Variants in BMPER observed in about 807,000 individuals in gnomAD.
BMPER encodes BMP-binding endothelial regulator protein.
A neutral mutation model predicts 87.3 loss-of-function variants in BMPER; 45 were observed. The observed-to-expected ratio is 0.52, with a 90% confidence interval of 0.41 to 0.66. The LOEUF (loss-of-function observed/expected upper bound fraction) is 0.66. BMPER is among the 30% of genes least tolerant of loss of function. The probability of loss-of-function intolerance (pLI) is 0.00; values close to 1 mark genes in which losing one functional copy is unlikely to be tolerated. For missense variants in BMPER, 784 were observed against 867.5 expected (o/e 0.90, Z 1.21); for synonymous variants, 326 against 316.2 (o/e 1.03, Z -0.33).
intron 13 of BMPER, among the ~76,000 whole-genome samples, chr7:34,141,138 G>A (rs142678556): frequency 4.1e-4 from 62 of 152,336 alleles, no homozygotes; most frequent in African/African-American, 1.3e-3. Flanking sequence ...AAATGACATT[G>A]AGGGAGATTC....
At position 34,078,994 on chromosome 7, in the gene BMPER, A is replaced by G; in HGVS notation, c.1216A>G (p.Lys406Glu). Residue 406 changes from lysine (K) to glutamate (E), a missense_variant, in exon 12 of 15, where the codon AAG becomes GAG. Physicochemically the swap from Lys to Glu is moderately conservative, Grantham distance 56 (BLOSUM62 1). Coordinates refer to ENST00000649409, the MANE Select transcript of BMPER (RefSeq NM_001365308.1). ...TGCCTCGCCCTTCCAGGTGCTGGTGAAGAACGACGCCCGCCGGACACGCTC... is the reference window on the plus strand; with the variant it reads ...TGCCTCGCCCTTCCAGGTGCTGGTGGAGAACGACGCCCGCCGGACACGCTC... The part of the protein sequence containing the change: ...SPASPFQVLV[K>E]NDARRTRSFS... The G allele has an allele frequency of 6.2e-7, 1 of 1,614,224 alleles. No individual in the cohort carries two copies. The highest frequency in any genetic ancestry group is 8.5e-7 in the Non-Finnish European group (1 of 1,180,044).
chr7:34,073,408 G>A (rs552864218), intron 11 of BMPER, among the ~76,000 whole-genome samples: 2 of 152,226 alleles, frequency 1.3e-5, no homozygotes, highest in East Asian at 1.9e-4. Context: ...TAATACAATG[G>A]CAAGTATTTT....
At chr7:33,969,144 G>C (rs777949174) in intron 4 of BMPER, among the ~76,000 whole-genome samples, 3 of 152,060 alleles carry the variant, frequency 2.0e-5, no homozygotes, top group Non-Finnish European at 4.4e-5. Flanking sequence ...GAGATGATGT[G>C]GTAGCAGACA....
intron 13 of BMPER, among the ~76,000 whole-genome samples, chr7:34,129,617 AGAG>A (rs1351281101): frequency 9.3e-6 from 1 of 107,642 alleles, no homozygotes; most frequent in African/African-American, 3.4e-5. Flanking sequence ...AGAAAGAGAG[AGAG>A]AGAGAAAGAG....
At chr7:34,096,794 A>G (rs1789542809) in intron 13 of BMPER, among the ~76,000 whole-genome samples, 1 of 152,210 alleles carries the variant, frequency 6.6e-6, no homozygotes, top group Admixed American at 6.5e-5. Context: ...TTTCTAGATT[A>G]ATGGTCAATT....
At chr7:34,101,857 C>T (rs887661184) in intron 13 of BMPER, among the ~76,000 whole-genome samples, 6 of 152,190 alleles carry the variant, frequency 3.9e-5, no homozygotes, top group Non-Finnish European at 5.9e-5. Context: ...CTCAGGGCAG[C>T]GTACAACAGG....
chr7:34,078,024 C>G (rs958821978), intron 11 of BMPER, among the ~76,000 whole-genome samples: 1 of 151,884 alleles, frequency 6.6e-6, no homozygotes, highest in Admixed American at 6.6e-5. Flanking sequence ...CAGAACAAAC[C>G]AACGCCAAGA....
At chr7:33,991,275 T>G (rs999532610) in intron 6 of BMPER, among the ~76,000 whole-genome samples, 1 of 151,680 alleles carries the variant, frequency 6.6e-6, no homozygotes. Flanking sequence ...AAGCTATTGG[T>G]TATTGCCACA....
At chr7:34,081,697 A>G (rs1382093539) in intron 12 of BMPER, among the ~76,000 whole-genome samples, 1 of 152,214 alleles carries the variant, frequency 6.6e-6, no homozygotes. Flanking sequence ...CATCACATCT[A>G]CCTGAAAGCA....
intron 7 of BMPER, among the ~76,000 whole-genome samples, chr7:34,048,915 AT>A (rs1287132552): frequency 9.2e-5 from 14 of 152,294 alleles, no homozygotes; most frequent in African/African-American, 3.1e-4. Context: ...TAAGGTTAAG[AT>A]TTTATGCTCT....
At chr7:33,940,724 A>G (rs1348585462) in intron 3 of BMPER, among the ~76,000 whole-genome samples, 1 of 151,686 alleles carries the variant, frequency 6.6e-6, no homozygotes, top group African/African-American at 2.4e-5. Flanking sequence ...AATGAGAGTG[A>G]TTTAGTGAGG....
intron 6 of BMPER, among the ~76,000 whole-genome samples, chr7:34,013,418 C>T (rs1339792412): frequency 1.3e-5 from 2 of 151,654 alleles, no homozygotes; most frequent in African/African-American, 2.4e-5. Context: ...CCAGCGAAGG[C>T]GTCCTAACCA....
intron 13 of BMPER, among the ~76,000 whole-genome samples, chr7:34,126,560 C>T (rs578135564): frequency 1.2e-4 from 18 of 152,206 alleles, no homozygotes; most frequent in East Asian, 7.7e-4. Context: ...ACCAAGAAGG[C>T]GTATGAGGAT....
chr7:34,085,633 C>CA (rs1789177876), intron 12 of BMPER, 123 bp from the exon 13 acceptor site: 1 of 938,842 alleles, frequency 1.1e-6, no homozygotes, highest in African/African-American at 1.6e-5. Context: ...GAATTTGGAC[C>CA]AACCCTTGGT....
intron 13 of BMPER, among the ~76,000 whole-genome samples, chr7:34,102,871 G>A (rs942478936): frequency 3.3e-5 from 5 of 152,154 alleles, no homozygotes; most frequent in Non-Finnish European, 7.4e-5. Flanking sequence ...CAGGGGAGGA[G>A]ATGGAGAGCA....
intron 10 of BMPER, among the ~76,000 whole-genome samples, chr7:34,060,125 C>G (rs775629088): frequency 6.6e-6 from 1 of 152,110 alleles, no homozygotes; most frequent in Non-Finnish European, 1.5e-5. Flanking sequence ...CAGAGTCTTA[C>G]GGCTAATTGC....
rs181436021 is a variant in BMPER, at chr7:34,075,565, A to G, written c.1079-3292A>G. On this transcript the variant is annotated intron_variant, in intron 11 of 14. Coordinates refer to ENST00000649409, the MANE Select transcript of BMPER (RefSeq NM_001365308.1). ...ACTATGCAAAAATGTGCCACCAGTC[A>G]TAAGCTGGCATCTTTCTCCCCATCT... is the stretch of plus-strand genomic sequence containing the variant. Among the ~76,000 whole-genome samples, 14 of 152,344 alleles carry G rather than the reference A, an allele frequency of 9.2e-5. No individual in the cohort carries two copies. In the East Asian group the frequency reaches 2.7e-3, roughly 29 times the overall value.
chr7:34,005,400 C>T (rs1327527224), intron 6 of BMPER, among the ~76,000 whole-genome samples: 1 of 151,898 alleles, frequency 6.6e-6, no homozygotes, highest in African/African-American at 2.4e-5. Flanking sequence ...CAGATTTTTG[C>T]CTTCTTTTAA....
At chr7:34,139,579 A>G (rs1015433086) in intron 13 of BMPER, among the ~76,000 whole-genome samples, 2 of 152,236 alleles carry the variant, frequency 1.3e-5, no homozygotes, top group African/African-American at 2.4e-5. Context: ...TGTAGAAAAT[A>G]CAGGTAAGAA....
Sources: gnomAD v4.1 joint callset for allele counts (sites outside exome capture counted in the v4.1 genomes callset) on GRCh38, gnomAD v4.1.1 for gene constraint, MANE v1.5 for transcripts, NCBI Gene and HGNC (gene_info 2026-07-23, HGNC 2026-07-21) for gene names.